The following GNAQ variants were observed in gnomAD, a reference collection of about 807,000 sequenced individuals.
The protein encoded by GNAQ is guanine nucleotide-binding protein G(q) subunit alpha.
In GNAQ, 8 loss-of-function variants were observed where a neutral mutation model predicts 43.9. The observed-to-expected ratio is 0.18, with a 90% CI of 0.11 to 0.33. The LOEUF is 0.33. Ranked by LOEUF, GNAQ falls within the 10% of genes least tolerant of loss-of-function variation. The pLI is 1.00. For missense variants in GNAQ, 158 were observed against 450.8 expected, an observed-to-expected ratio of 0.35 and a Z score of 5.88; for synonymous variants, 155 against 170.7, an observed-to-expected ratio of 0.91 and a Z score of 0.71.
intron 1 of GNAQ, among the ~76,000 whole-genome samples, chr9:77,939,130 C>G (rs540278560): frequency 6.6e-6 from 1 of 152,290 alleles, no homozygotes; most frequent in South Asian, 2.1e-4. Flanking sequence ...CCACTGTTCT[C>G]CTATATCAGG....
intron 2 of GNAQ, among the ~76,000 whole-genome samples, chr9:77,914,351 T>C (rs1587406116): frequency 1.3e-5 from 2 of 152,144 alleles, no homozygotes; most frequent in African/African-American, 4.8e-5. Context: ...GAAAAGTCCA[T>C]AGATTCCTTT....
chr9:77,722,802 G>A (rs1825337604), intron 6 of GNAQ, among the ~76,000 whole-genome samples: 1 of 151,930 alleles, frequency 6.6e-6, no homozygotes, highest in Non-Finnish European at 1.5e-5. Context: ...AACTATAGGT[G>A]CCACCAAGCC....
chr9:77,791,328 T>TA (rs1738592692), intron 5 of GNAQ, among the ~76,000 whole-genome samples: 1 of 152,214 alleles, frequency 6.6e-6, no homozygotes, highest in African/African-American at 2.4e-5. Context: ...TACACACTGA[T>TA]AAACTAAAAT....
intron 3 of GNAQ, among the ~76,000 whole-genome samples, chr9:77,807,862 T>C (rs1423595668): frequency 6.6e-6 from 1 of 152,224 alleles, no homozygotes; most frequent in East Asian, 1.9e-4. Flanking sequence ...ATATGATCTC[T>C]GTTACAACTA....
At chr9:77,843,951 A>C (rs530016897) in intron 2 of GNAQ, among the ~76,000 whole-genome samples, 2 of 152,272 alleles carry the variant, frequency 1.3e-5, no homozygotes, top group African/African-American at 4.8e-5. Context: ...TATAACTCAG[A>C]AACTTCTTAT....
chr9:77,843,882 GC>G (rs1473127258), intron 2 of GNAQ, among the ~76,000 whole-genome samples: 1 of 152,106 alleles, frequency 6.6e-6, no homozygotes, highest in African/African-American at 2.4e-5. Flanking sequence ...TTAATTGAGG[GC>G]CTGGATGGGT....
At chr9:78,014,975 T>G (rs2118590185) in intron 1 of GNAQ, among the ~76,000 whole-genome samples, 1 of 152,270 alleles carries the variant, frequency 6.6e-6, no homozygotes, top group African/African-American at 2.4e-5. Flanking sequence ...TGGTAATACT[T>G]GTGTAACAAA....
intron 1 of GNAQ, among the ~76,000 whole-genome samples, chr9:77,933,122 A>G (rs1433527706): frequency 6.6e-6 from 1 of 152,174 alleles, no homozygotes; most frequent in East Asian, 1.9e-4. Flanking sequence ...CTGCATCGAC[A>G]TGGAGACTAC....
At chr9:77,924,537 T>C (rs1388293847) in intron 1 of GNAQ, among the ~76,000 whole-genome samples, 1 of 152,196 alleles carries the variant, frequency 6.6e-6, no homozygotes, top group Non-Finnish European at 1.5e-5. Flanking sequence ...AATTTTTATA[T>C]ACTTATCACT....
At chr9:77,877,148 ACT>A (rs1266181425) in intron 2 of GNAQ, among the ~76,000 whole-genome samples, 2 of 152,082 alleles carry the variant, frequency 1.3e-5, no homozygotes, top group East Asian at 3.9e-4. Flanking sequence ...AGCTGCAATT[ACT>A]CTGTCACATT....
chr9:77,824,816 T>A (rs1040146289), intron 2 of GNAQ, among the ~76,000 whole-genome samples: 1 of 152,224 alleles, frequency 6.6e-6, no homozygotes, highest in African/African-American at 2.4e-5. Flanking sequence ...AAAGTTTTTC[T>A]TCTGCTAAGA....
rs889406725 is a variant in GNAQ, at chr9:77,818,013, CA to C, written c.322-2244del. Among the ~76,000 whole-genome samples, 46 of 151,518 alleles carry C rather than the reference CA, an allele frequency of 3.0e-4. 1 individual carries two copies. Among genetic ancestry groups the C allele is most frequent in the Admixed American group, 2.4e-3 (37 of 15,214 alleles). ...TTTTGACTGCAAAAAACAAAAAAAA[CA>C]AAAACAAAAACAAAACAAAAAAAAA... is the stretch of plus-strand genomic sequence containing the variant. On this transcript the variant is annotated intron_variant, in intron 2 of 6. Coordinates refer to ENST00000286548, the MANE Select transcript of GNAQ (RefSeq NM_002072.5).
At chr9:77,796,553 A>C (rs1826662143) in intron 4 of GNAQ, among the ~76,000 whole-genome samples, 1 of 152,236 alleles carries the variant, frequency 6.6e-6, no homozygotes, top group Non-Finnish European at 1.5e-5. Flanking sequence ...CCTAAAAACA[A>C]AACAACAGAA....
intron 2 of GNAQ, among the ~76,000 whole-genome samples, chr9:77,863,474 A>G (rs1011132456): frequency 1.3e-5 from 2 of 152,150 alleles, no homozygotes; most frequent in African/African-American, 2.4e-5. Flanking sequence ...TCATTCAACA[A>G]GTCTCCAGGG....
At chr9:77,961,243 TA>T (rs1158099552) in intron 1 of GNAQ, among the ~76,000 whole-genome samples, 2 of 152,054 alleles carry the variant, frequency 1.3e-5, no homozygotes, top group Non-Finnish European at 2.9e-5. Context: ...GGGATACAAA[TA>T]AGGTAAATCC....
intron 2 of GNAQ, among the ~76,000 whole-genome samples, chr9:77,856,894 A>G (rs567882054): frequency 6.6e-6 from 1 of 152,320 alleles, no homozygotes; most frequent in South Asian, 2.1e-4. Flanking sequence ...GTTCTCTTAA[A>G]TATTTGTTTG....
chr9:78,022,464 G>A (rs946223703), intron 1 of GNAQ, among the ~76,000 whole-genome samples: 19 of 152,194 alleles, frequency 1.2e-4, no homozygotes, highest in Admixed American at 1.3e-4. Context: ...TTCAGTCACA[G>A]ATTTTAGAAA....
At chr9:77,972,007 T>G (rs1823242852) in intron 1 of GNAQ, among the ~76,000 whole-genome samples, 1 of 152,190 alleles carries the variant, frequency 6.6e-6, no homozygotes, top group Non-Finnish European at 1.5e-5. Context: ...TGATTTTGTA[T>G]CCTGAGACTT....
At chr9:77,762,861 G>A (rs1404255466) in intron 5 of GNAQ, among the ~76,000 whole-genome samples, 4 of 151,880 alleles carry the variant, frequency 2.6e-5, no homozygotes, top group African/African-American at 7.2e-5. Flanking sequence ...GATTAAGGGC[G>A]GTGCAAGATG....
Sources: gnomAD v4.1 joint callset for allele counts (sites outside exome capture counted in the v4.1 genomes callset) on GRCh38, gnomAD v4.1.1 for gene constraint, MANE v1.5 for transcripts, NCBI Gene and HGNC (gene_info 2026-07-23, HGNC 2026-07-21) for gene names.